Variants in ASZ1 observed in about 807,000 individuals in gnomAD.
ASZ1 encodes the protein ankyrin repeat, SAM and basic leucine zipper domain containing 1, also known as ankyrin repeat, SAM and basic leucine zipper domain-containing protein 1.
ASZ1 carries 67 observed loss-of-function variants against 61.8 expected under a neutral mutation model. The observed-to-expected ratio is 1.08, with a 90% confidence interval of 0.89 to 1.33. ASZ1 has a LOEUF of 1.33. Among genes scored for constraint, ASZ1 ranks in the 40% most tolerant of loss-of-function variants. The pLI, the probability that ASZ1 is intolerant of heterozygous loss-of-function variation, is 0.00. For missense variants in ASZ1, 577 were observed against 554.5 expected, an observed-to-expected ratio of 1.04 and a Z score of -0.41; for synonymous variants, 193 against 192.7, an observed-to-expected ratio of 1.00 and a Z score of -0.01.
At chr7:117,393,003 T>C (rs971256824) in intron 4 of ASZ1, among the ~76,000 whole-genome samples, 4 of 152,012 alleles carry the variant, frequency 2.6e-5, no homozygotes, top group African/African-American at 9.7e-5. Context: ...CATGCCACCA[T>C]GCCTGGCTAA....
chr7:117,379,133 T>TTATATATATATA (rs370500034), intron 10 of ASZ1, among the ~76,000 whole-genome samples: 3 of 104,656 alleles, frequency 2.9e-5, no homozygotes, highest in South Asian at 3.6e-4. Context: ...TGTGATAAAA[T>TTATATATATATA]TATATATATA....
At chr7:117,368,984 C>T (rs182070175) in intron 10 of ASZ1, among the ~76,000 whole-genome samples, 1 of 152,230 alleles carries the variant, frequency 6.6e-6, no homozygotes, top group African/African-American at 2.4e-5. Flanking sequence ...AGGAGGAAGA[C>T]AAAATAACCA....
intron 3 of ASZ1, 63 bp from the exon 4 acceptor site, chr7:117,420,337 T>C (rs1797077771): frequency 1.7e-6 from 2 of 1,184,274 alleles, no homozygotes; most frequent in African/African-American, 3.0e-5. Flanking sequence ...TCGATGTCTT[T>C]ACCACTCAAA....
intron 4 of ASZ1, among the ~76,000 whole-genome samples, chr7:117,404,719 C>T (rs1398314008): frequency 6.6e-6 from 1 of 152,108 alleles, no homozygotes; most frequent in African/African-American, 2.4e-5. Context: ...CATAGTCTGC[C>T]ATTGCAAAGG....
chr7:117,412,241 A>T (rs576237970), intron 4 of ASZ1, among the ~76,000 whole-genome samples: 17 of 151,880 alleles, frequency 1.1e-4, no homozygotes, highest in Non-Finnish European at 2.4e-4. Flanking sequence ...TATTATTTTA[A>T]TATCTTATGA....
intron 4 of ASZ1, among the ~76,000 whole-genome samples, chr7:117,388,097 C>T (rs1412604133): frequency 1.3e-5 from 2 of 152,098 alleles, no homozygotes; most frequent in Admixed American, 6.6e-5. Context: ...TACCACAGCT[C>T]ACTCAAAAAG....
chr7:117,364,375 C>T (rs1290825297), intron 12 of ASZ1, among the ~76,000 whole-genome samples: 1 of 150,926 alleles, frequency 6.6e-6, no homozygotes, highest in Non-Finnish European at 1.5e-5. Context: ...TGTGCCCACT[C>T]TGTGTGTATC....
chr7:117,413,191 C>T (rs942482971), intron 4 of ASZ1, among the ~76,000 whole-genome samples: 1 of 151,946 alleles, frequency 6.6e-6, no homozygotes, highest in African/African-American at 2.4e-5. Flanking sequence ...TGAAAACATC[C>T]TAAATATAGA....
intron 4 of ASZ1, among the ~76,000 whole-genome samples, chr7:117,391,080 G>C (rs1240606490): frequency 6.6e-6 from 1 of 151,848 alleles, no homozygotes; most frequent in Non-Finnish European, 1.5e-5. Context: ...CTGATGAGTA[G>C]TGATGTTGAG....
chr7:117,403,992 G>A (rs568924023), intron 4 of ASZ1, among the ~76,000 whole-genome samples: 28 of 152,294 alleles, frequency 1.8e-4, no homozygotes, highest in African/African-American at 6.5e-4. Flanking sequence ...GAGGTGAACA[G>A]TTTCATCCCG....
In ASZ1 at chr7:117,415,334, T is replaced by C. The variant is rs953649916; in HGVS notation, c.440+4829A>G. ...ATTTTGTACTGTCTCACTTGAGATA[T>C]GAATCATCTTTTGTCCGGCATATCC... is the stretch of plus-strand genomic sequence containing the variant. On this transcript the variant is annotated intron_variant, in intron 4 of 12. Coordinates refer to ENST00000284629, the MANE Select transcript of ASZ1 (RefSeq NM_130768.3). Among the ~76,000 whole-genome samples the C allele has an allele frequency of 3.3e-5, 5 of 152,234 alleles. No homozygotes were observed. The South Asian group carries it at 1.0e-3, about 32-fold the overall frequency.
chr7:117,384,991 C>T (rs1796324625), intron 5 of ASZ1, 131 bp from the exon 6 acceptor site: 4 of 801,194 alleles, frequency 5.0e-6, no homozygotes, highest in African/African-American at 1.8e-5. Context: ...GATGCAATCT[C>T]TTCATTTTAC....
intron 11 of ASZ1, 141 bp from the exon 12 acceptor site, chr7:117,367,606 C>A: frequency 8.7e-7 from 1 of 1,151,776 alleles, no homozygotes; most frequent in Non-Finnish European, 1.1e-6. Context: ...AATACTGACA[C>A]CAAAAATAAG....
intron 4 of ASZ1, among the ~76,000 whole-genome samples, chr7:117,391,604 T>C (rs1464279142): frequency 8.5e-5 from 13 of 152,050 alleles, no homozygotes; most frequent in African/African-American, 2.9e-4. Context: ...TGTTGAAGAT[T>C]AGTTGGTTGT....
intron 4 of ASZ1, among the ~76,000 whole-genome samples, chr7:117,408,156 G>A (rs562719498): frequency 1.3e-5 from 2 of 152,062 alleles, no homozygotes; most frequent in East Asian, 3.9e-4. Flanking sequence ...GAGGTCAGGG[G>A]GTAGTGTTAA....
intron 4 of ASZ1, among the ~76,000 whole-genome samples, chr7:117,418,091 G>A (rs1797029589): frequency 6.6e-6 from 1 of 152,130 alleles, no homozygotes; most frequent in African/African-American, 2.4e-5. Flanking sequence ...ACTGACTTCT[G>A]TGTGTTTACA....
chr7:117,423,672 T>G (rs1329830747), intron 2 of ASZ1, among the ~76,000 whole-genome samples: 1 of 141,104 alleles, frequency 7.1e-6, no homozygotes, highest in African/African-American at 2.7e-5. Context: ...AGTGAAACCC[T>G]GTTTCTACTA....
Position 117,427,485 on chromosome 7 carries a change from G to C in ASZ1, c.-25C>G. ...TGCCAGCCAAGGAAGCTCCCTGTCG[G>C]CACCGCGCGCCCTTCAGCTCTCCGG... On this transcript the variant is annotated 5_prime_UTR_variant, in exon 1 of 13. Coordinates refer to ENST00000284629, the MANE Select transcript of ASZ1 (RefSeq NM_130768.3). 1 of 1,611,376 alleles carries C rather than the reference G, an allele frequency of 6.2e-7. No individual in the cohort carries two copies.
At chr7:117,405,179 TA>T (rs1278034768) in intron 4 of ASZ1, among the ~76,000 whole-genome samples, 2 of 152,082 alleles carry the variant, frequency 1.3e-5, no homozygotes, top group Non-Finnish European at 2.9e-5. Flanking sequence ...TCCCAGGACT[TA>T]GTGTCCCAGG....
Sources: allele counts gnomAD v4.1 joint callset (sites outside exome capture counted in the v4.1 genomes callset), GRCh38; gene constraint gnomAD v4.1.1; transcripts MANE v1.5; gene names NCBI Gene and HGNC (gene_info 2026-07-23, HGNC 2026-07-21).